The following GDPD2 variants were observed in gnomAD, a reference collection of about 807,000 sequenced individuals.
GDPD2 encodes glycerophosphodiester phosphodiesterase 3.
A neutral mutation model predicts 49.2 loss-of-function variants in GDPD2; 23 were observed. The ratio of observed to expected loss-of-function variants is 0.47; its 90% CI spans 0.34 to 0.66. GDPD2 has a LOEUF of 0.66. Ranked by LOEUF, GDPD2 falls within the 30% of genes least tolerant of loss-of-function variation. The pLI, the probability that GDPD2 is intolerant of heterozygous loss-of-function variation, is 0.01. For missense variants in GDPD2, 338 were observed against 424.7 expected (o/e 0.80, Z 1.79); for synonymous variants, 167 against 171.4 (o/e 0.97, Z 0.20).
chrX:70,426,009 C>G (rs985042885), intron 4 of GDPD2, 43 bp from the exon 5 acceptor site: 1 of 1,125,645 alleles, frequency 8.9e-7, no homozygotes, highest in South Asian at 1.8e-5. Context: ...TAACCTTGCT[C>G]CCCTCTTGGC....
chrX:70,429,587 A>G lies in GDPD2; in HGVS notation c.1031A>G (p.Glu344Gly). 8.3e-7 allele frequency: 1 copy of G among 1,203,101 alleles called. No homozygotes were observed. Among genetic ancestry groups the G allele is most frequent in the Non-Finnish European group, 1.1e-6 (1 of 887,746 alleles). Reference protein sequence around the residue: ...TVPALEELLEEAAALNLSIMF... With the variant: ...TVPALEELLEGAAALNLSIMF... ...CCAGCATTAGAAGAGCTATTGGAGG[A>G]AGCTGCAGCCCTCAACCTTTCCATC... The change falls in exon 11 of 16, where the codon GAA becomes GGA. Residue 344 changes from glutamate (E) to glycine (G), a missense_variant. Physicochemically the swap from Glu to Gly is moderately conservative, Grantham distance 98 (BLOSUM62 -2). Coordinates refer to ENST00000374382, the MANE Select transcript of GDPD2 (RefSeq NM_017711.4).
intron 10 of GDPD2, among the ~76,000 whole-genome samples, chrX:70,428,695 A>G (rs2086448397): frequency 8.9e-6 from 1 of 112,305 alleles, no homozygotes; most frequent in Non-Finnish European, 1.9e-5. Flanking sequence ...CTGTGCCTCA[A>G]TTTTCTCATT....
Position 70,424,991 on chromosome X carries a change from G to A in GDPD2, c.7G>A (p.Glu3Lys), listed in dbSNP as rs768102716. The change falls in exon 2 of 16, where the codon GAG becomes AAG. Residue 3 changes from glutamate to lysine, a missense_variant. Physicochemically the swap from Glu to Lys is moderately conservative, Grantham distance 56. Transcript: ENST00000374382. MAESPGCCSVWAR... is the reference protein window; with the variant it reads MAKSPGCCSVWAR... ...CTTCCCCCAGGCCTTCACCATGGCCGAGTCCCCCGGCTGCTGCTCCGTCTG... is the reference window on the plus strand; with the variant it reads ...CTTCCCCCAGGCCTTCACCATGGCCAAGTCCCCCGGCTGCTGCTCCGTCTG... The A allele has an allele frequency of 1.0e-4, 124 of 1,186,936 alleles. No individual in the cohort carries two copies. The highest frequency in any genetic ancestry group is 1.3e-4 in the Non-Finnish European group (113 of 881,817).
intron 1 of GDPD2, among the ~76,000 whole-genome samples, chrX:70,424,574 C>A (rs1314371456): frequency 1.8e-5 from 2 of 112,152 alleles, no homozygotes; most frequent in African/African-American, 6.5e-5. Context: ...CTTTAACTTG[C>A]TGAACTGAGT....
intron 3 of GDPD2, 75 bp from the exon 4 acceptor site, chrX:70,425,688 A>AC: frequency 1.7e-6 from 1 of 599,337 alleles, no homozygotes. Flanking sequence ...TCCTGGATCC[A>AC]CCCACCCCAC....
chrX:70,430,194 A>G (rs2086463453), intron 12 of GDPD2, 131 bp downstream of exon 12: 2 of 568,443 alleles, frequency 3.5e-6, no homozygotes, highest in Non-Finnish European at 5.5e-6. Context: ...CTTGCCATGT[A>G]TCAGGTAGTA....
chrX:70,424,046 G>A (rs1037328480), intron 1 of GDPD2, among the ~76,000 whole-genome samples: 3 of 111,691 alleles, frequency 2.7e-5, no homozygotes, highest in African/African-American at 6.5e-5. Flanking sequence ...AATCAGTCAC[G>A]TACCCAGCCA....
chrX:70,425,521 C>T lies in GDPD2; in HGVS notation c.209+64C>T, dbSNP rs771044341. Reference sequence around the variant, plus strand: ...TCAACCTGCTCCCCACCCTGGGACCCGGGGGTGGCCCACTGTCAGTCATCC... The same window carrying T: ...TCAACCTGCTCCCCACCCTGGGACCTGGGGGTGGCCCACTGTCAGTCATCC... On this transcript the variant is annotated intron_variant, in intron 3 of 15. Coordinates refer to ENST00000374382, the MANE Select transcript of GDPD2 (RefSeq NM_017711.4). 4.2e-4 allele frequency: 327 copies of T among 773,252 alleles called. 1 individual carries two copies. Among genetic ancestry groups the T allele is most frequent in the South Asian group, 2.0e-3 (94 of 47,970 alleles). 63.7% of individuals were successfully genotyped at this position (773,252 alleles called of 1,213,427 possible).
In GDPD2 at chrX:70,429,674, C is replaced by T. The variant is rs2086457498; in HGVS notation, c.1118C>T (p.Thr373Ile). 2 of 1,207,097 alleles carry T rather than the reference C, an allele frequency of 1.7e-6. No individual in the cohort carries two copies. Among genetic ancestry groups the T allele is most frequent in the Non-Finnish European group, 1.1e-6 (1 of 893,169 alleles). ...HTYYDTFVIQ[T>I]LETVLNARVP... Reference sequence around the variant, plus strand: ...TACTATGACACTTTTGTGATCCAGACATTGGAGACTGTGCTGAATGCAAGG... The same window carrying T: ...TACTATGACACTTTTGTGATCCAGATATTGGAGACTGTGCTGAATGCAAGG... The change falls in exon 11 of 16, where the codon ACA (threonine) becomes ATA (isoleucine). Residue 373 changes from threonine (T) to isoleucine (I), a missense_variant. Physicochemically the swap from Thr to Ile is moderately conservative, Grantham distance 89 (BLOSUM62 -1). Transcript: ENST00000374382.
Position 70,425,774 on chromosome X carries a change from G to A in GDPD2, c.221G>A (p.Arg74His), listed in dbSNP as rs370359972. 7.7e-6 allele frequency: 9 copies of A among 1,176,272 alleles called. No homozygotes were observed. The highest frequency in any genetic ancestry group is 3.8e-5 in the African/African-American group (2 of 53,297). ...DLHNFNEFLF[R>H]RWGHWMDWSL... Reference sequence around the variant, plus strand: ...CTCCCCTCCCACAGATTCCTCTTCCGCCGCTGGGGACACTGGATGGACTGG... The same window carrying A: ...CTCCCCTCCCACAGATTCCTCTTCCACCGCTGGGGACACTGGATGGACTGG... Residue 74 changes from arginine to histidine, a missense_variant, in exon 4 of 16, where the codon CGC (arginine) becomes CAC (histidine). Coordinates refer to ENST00000374382, the MANE Select transcript of GDPD2 (RefSeq NM_017711.4).
rs140271529 is a variant in GDPD2, at chrX:70,427,328, C to T, written c.801C>T (p.Pro267=). Reference sequence around the variant, plus strand: ...GTGCCCTCAGCTCCGATGGGGTCCCCTTCCTCATGCATGATGAGCACCTCA... The same window carrying T: ...GTGCCCTCAGCTCCGATGGGGTCCCTTTCCTCATGCATGATGAGCACCTCA... ...TDVMVSSDGV[P]FLMHDEHLSR... is the part of the protein sequence containing the mutation. Residue 267 remains proline, a synonymous_variant, in exon 10 of 16, where the codon CCC becomes CCT. Coordinates refer to ENST00000374382, the MANE Select transcript of GDPD2 (RefSeq NM_017711.4). 1.7e-6 allele frequency: 2 copies of T among 1,210,897 alleles called. No homozygotes were observed. The highest frequency in any genetic ancestry group is 1.8e-5 in the South Asian group (1 of 56,897).
At chrX:70,423,453 G>A (rs2086395592) in intron 1 of GDPD2, 71 bp downstream of exon 1, 1 of 112,187 alleles carries the variant, frequency 8.9e-6, no homozygotes, top group Non-Finnish European at 1.9e-5. Flanking sequence ...CCATCCCACT[G>A]GGATTGGGCC....
intron 8 of GDPD2, 61 bp downstream of exon 8, chrX:70,427,072 C>A: frequency 8.5e-7 from 1 of 1,180,827 alleles, no homozygotes; most frequent in Non-Finnish European, 1.2e-6. Flanking sequence ...ACCATAGCGA[C>A]CAGGCCTGTG....
intron 2 of GDPD2, 126 bp from the exon 3 acceptor site, chrX:70,425,228 G>T (rs1422210501): frequency 1.5e-6 from 1 of 659,474 alleles, no homozygotes; most frequent in Admixed American, 2.5e-5. Flanking sequence ...CTCAAATATG[G>T]AAAGAGCTGC....
In GDPD2 at chrX:70,424,534, A is replaced by T. The variant is rs145155208; in HGVS notation, c.-9-442A>T. ...TTCCTGGGCTGGAAAGCAATTCAACATGGGGTTGCCTCCAGCTTGGCCAAA... is the reference window on the plus strand; with the variant it reads ...TTCCTGGGCTGGAAAGCAATTCAACTTGGGGTTGCCTCCAGCTTGGCCAAA... On this transcript the variant is annotated intron_variant, in intron 1 of 15. Coordinates refer to ENST00000374382, the MANE Select transcript of GDPD2 (RefSeq NM_017711.4). Among the ~76,000 whole-genome samples the T allele has an allele frequency of 4.2e-4, 47 of 111,796 alleles. 1 individual carries two copies. The East Asian group carries it at 0.013, about 30-fold the overall frequency.
Position 70,425,848 on chromosome X carries a change from T to C in GDPD2, c.295T>C (p.Leu99=). Residue 99 remains leucine, a synonymous_variant, in exon 4 of 16, where the codon TTG becomes CTG. Transcript: ENST00000374382. ...CTCTCTACTGGTCACATATGCATCCTTGCTATTGGTGGGTCCGGAGGCCGC... is the reference window on the plus strand; with the variant it reads ...CTCTCTACTGGTCACATATGCATCCCTGCTATTGGTGGGTCCGGAGGCCGC... ...VISLLVTYAS[L]LLVLALLLRL... 1 of 1,151,874 alleles carries C rather than the reference T, an allele frequency of 8.7e-7. No homozygotes were observed. Among genetic ancestry groups the C allele is most frequent in the South Asian group, 1.8e-5 (1 of 55,694 alleles). The allele number at this position is 1,151,874 out of a possible 1,213,427, so 94.9% of individuals were successfully genotyped here. A position where few individuals can be genotyped will look rare whatever the true frequency, so the allele number is the denominator to read the frequency against.
chrX:70,427,005 C>T lies in GDPD2; in HGVS notation c.696C>T (p.Ala232=). 2 of 1,210,105 alleles carry T rather than the reference C, an allele frequency of 1.7e-6. No homozygotes were observed. The highest frequency in any genetic ancestry group is 3.5e-5 in the South Asian group (2 of 56,881). The change falls in exon 8 of 16, where the codon GCC becomes GCT. Residue 232 remains alanine (A), a synonymous_variant. Transcript: ENST00000374382. ...PKPGLVGHRG[A]PMLAPENTLM... is the part of the protein sequence containing the mutation. ...CTGGGCTGGTGGGACACCGAGGGGC[C>T]CCCATGGTGAGTGTTGGACAGAATG... is the stretch of plus-strand genomic sequence containing the variant.
Position 70,433,018 on chromosome X carries a change from T to G in GDPD2, c.1568-16T>G. ...GCTTAACTCCCTAGATGACCCACCC[T>G]CCCCCTCCTCCCCAGGCTTAGAAAC... On this transcript the variant is annotated splice_polypyrimidine_tract_variant and intron_variant, in intron 15 of 15. Transcript: ENST00000374382. 1.1e-6 allele frequency: 1 copy of G among 917,255 alleles called. No individual in the cohort carries two copies. Among genetic ancestry groups the G allele is most frequent in the Non-Finnish European group, 1.6e-6 (1 of 641,603 alleles). 75.6% of individuals were successfully genotyped at this position (917,255 alleles called of 1,213,427 possible). A position where few individuals can be genotyped will look rare whatever the true frequency, so the allele number is the denominator to read the frequency against.
Position 70,424,959 on chromosome X carries a change from A to G in GDPD2, c.-9-17A>G, listed in dbSNP as rs1409565213. The G allele has an allele frequency of 9.3e-7, 1 of 1,073,266 alleles. No homozygotes were observed. Among genetic ancestry groups the G allele is most frequent in the Non-Finnish European group, 1.3e-6 (1 of 786,317 alleles). The allele number at this position is 1,073,266 out of a possible 1,213,427, so 88.4% of individuals were successfully genotyped here. On this transcript the variant is annotated splice_polypyrimidine_tract_variant and intron_variant, in intron 1 of 15. Transcript: ENST00000374382. Reference sequence around the variant, plus strand: ...CCTCTGCCAGGGTCCCTGATGGTCGAGTGTCCCTTCCCCCAGGCCTTCACC... The same window carrying G: ...CCTCTGCCAGGGTCCCTGATGGTCGGGTGTCCCTTCCCCCAGGCCTTCACC...
Sources: allele counts gnomAD v4.1 joint callset (sites outside exome capture counted in the v4.1 genomes callset), GRCh38; gene constraint gnomAD v4.1.1; transcripts MANE v1.5; gene names NCBI Gene and HGNC (gene_info 2026-07-23, HGNC 2026-07-21).